The following PIK3CD variants were observed in gnomAD, a reference collection of about 807,000 sequenced individuals.
The protein encoded by PIK3CD is phosphatidylinositol-4,5-bisphosphate 3-kinase catalytic subunit delta.
A neutral mutation model predicts 122.9 loss-of-function variants in PIK3CD; 20 were observed. The ratio of observed to expected loss-of-function variants is 0.16; its 90% CI spans 0.11 to 0.24. PIK3CD has a LOEUF of 0.24. Among genes scored for constraint, PIK3CD ranks in the 10% least tolerant of loss-of-function variants. The probability of loss-of-function intolerance (pLI) is 1.00; values close to 1 mark genes in which losing one functional copy is unlikely to be tolerated. For missense variants in PIK3CD, 787 were observed against 1,406.3 expected (o/e 0.56, Z 7.04); for synonymous variants, 596 against 593.4 (o/e 1.00, Z -0.06).
chr1:9,697,228 A>G (rs1380385422), intron 2 of PIK3CD, among the ~76,000 whole-genome samples: 3 of 151,212 alleles, frequency 2.0e-5, no homozygotes, highest in African/African-American at 4.9e-5. Context: ...AGATTTTTTA[A>G]AAATTTTGCC....
At chr1:9,667,911 T>G (rs1003404119) in intron 1 of PIK3CD, among the ~76,000 whole-genome samples, 1 of 143,736 alleles carries the variant, frequency 7.0e-6, no homozygotes, top group East Asian at 2.0e-4. Context: ...AATTTTTGTT[T>G]TTTTTTTTTT....
Position 9,727,508 on chromosome 1 carries a change from G to A in PIK3CD, c.*462G>A, listed in dbSNP as rs375924757. On this transcript the variant is annotated 3_prime_UTR_variant, in exon 24 of 24. Transcript: ENST00000377346. The stretch of plus-strand genomic sequence containing the variant: ...CTAGACTGAGTTCTGGCAGCTCCCC[G>A]AGGCAGCCGGGGTACCCTCTAGATT... The A allele has an allele frequency of 5.4e-4, 142 of 263,312 alleles. No individual in the cohort carries two copies. The highest frequency in any genetic ancestry group is 2.6e-3 in the African/African-American group (118 of 45,576). The allele number at this position is 263,312 out of a possible 1,614,324, so 16.3% of individuals were successfully genotyped here. A position where few individuals can be genotyped will look rare whatever the true frequency, so the allele number is the denominator to read the frequency against.
At chr1:9,699,501 G>A (rs1208491428) in intron 2 of PIK3CD, among the ~76,000 whole-genome samples, 4 of 152,066 alleles carry the variant, frequency 2.6e-5, no homozygotes, top group African/African-American at 4.8e-5. Context: ...TGGCTACGGG[G>A]CCCTGCAGGG....
the PIK3CD span, among the ~76,000 whole-genome samples, chr1:9,640,254 T>C: frequency 2.0e-5 from 3 of 152,244 alleles, no homozygotes; most frequent in South Asian, 6.2e-4. Context: ...CAGGGAGCCC[T>C]GGTTCCTTTT....
rs1033100429 is a variant in PIK3CD at position 9,723,387 on chromosome 1, C to T, written c.2594+95C>T. 4 of 1,310,464 alleles carry T rather than the reference C, an allele frequency of 3.1e-6. No individual in the cohort carries two copies. In the African/African-American group the frequency reaches 4.4e-5, roughly 14 times the overall value. 81.2% of individuals were successfully genotyped at this position (1,310,464 alleles called of 1,614,324 possible). ...TCAGAACAAAGGAGCGGGGAGGGGCCTCAGACCATCTTTGTGGCTACTTGG... is the reference window on the plus strand; with the variant it reads ...TCAGAACAAAGGAGCGGGGAGGGGCTTCAGACCATCTTTGTGGCTACTTGG... On this transcript the variant is annotated intron_variant, in intron 20 of 23. Coordinates refer to ENST00000377346, the MANE Select transcript of PIK3CD (RefSeq NM_005026.5). The surrounding 1 kb of genome is among the most constrained non-coding windows in gnomAD (Gnocchi z 4.9).
At chr1:9,707,640 T>C (rs941941258) in intron 2 of PIK3CD, among the ~76,000 whole-genome samples, 2 of 152,154 alleles carry the variant, frequency 1.3e-5, no homozygotes, top group Admixed American at 1.3e-4. Context: ...ATTAGTTTGC[T>C]GAGGATAATG....
chr1:9,717,571 C>T lies in PIK3CD; in HGVS notation c.965C>T (p.Pro322Leu), dbSNP rs758304879. The T allele has an allele frequency of 6.8e-6, 11 of 1,614,116 alleles. No individual in the cohort carries two copies. The highest frequency in any genetic ancestry group is 1.1e-5 in the South Asian group (1 of 91,086). The change falls in exon 8 of 24, where the codon CCG becomes CTG. Residue 322 changes from proline (P) to leucine (L), a missense_variant. Physicochemically the swap from Pro to Leu is moderately conservative, Grantham distance 98. Coordinates refer to ENST00000377346, the MANE Select transcript of PIK3CD (RefSeq NM_005026.5). The surrounding 1 kb of genome is among the most constrained non-coding windows in gnomAD (Gnocchi z 5.4). ...GTGTCCCTGTGGTCCCTGGAGCAGC[C>T]GTTCCGCATCGAGCTCATCCAGGGC... ...SSVSLWSLEQ[P>L]FRIELIQGSK...
At chr1:9,693,938 A>AC (rs1052267682) in intron 2 of PIK3CD, among the ~76,000 whole-genome samples, 8 of 149,160 alleles carry the variant, frequency 5.4e-5, no homozygotes, top group South Asian at 2.2e-4. Context: ...GTGACAGACC[A>AC]CCCCCCCAGG....
At chr1:9,664,593 C>G (rs1206297946) in intron 1 of PIK3CD, among the ~76,000 whole-genome samples, 2 of 152,150 alleles carry the variant, frequency 1.3e-5, no homozygotes, top group Non-Finnish European at 2.9e-5. Context: ...CATCTTTGAT[C>G]AGATTGGCAT....
At position 9,654,344 on chromosome 1, in the gene PIK3CD, C is replaced by T. The variant is rs571688560; in HGVS notation, c.-138+2542C>T. The T allele has an allele frequency of 3.1e-5, 43 of 1,367,762 alleles. No homozygotes were observed. The East Asian group carries it at 1.8e-3, about 58-fold the overall frequency. 84.7% of individuals were successfully genotyped at this position (1,367,762 alleles called of 1,614,324 possible). On this transcript the variant is annotated intron_variant, in intron 1 of 23. Coordinates refer to ENST00000377346, the MANE Select transcript of PIK3CD (RefSeq NM_005026.5). ...TTGCACTAAGCTGTGGGCTCCGTTT[C>T]TCCTCCGATACCATGTTTAGCAAGT...
rs1284910444 is a variant in PIK3CD at position 9,718,284 on chromosome 1, GA to G, written c.1021-408del. Reference sequence around the variant, plus strand: ...ACTTCCAGGGTGGTGGTGTCAGGTGGAATTGGAAGGGGCCGGACATCAGGTG... The same window carrying G: ...ACTTCCAGGGTGGTGGTGTCAGGTGGATTGGAAGGGGCCGGACATCAGGTG... On this transcript the variant is annotated intron_variant, in intron 8 of 23. Coordinates refer to ENST00000377346, the MANE Select transcript of PIK3CD (RefSeq NM_005026.5). The surrounding 1 kb of genome is among the most constrained non-coding windows in gnomAD (Gnocchi z 7.2). 5 of 463,704 alleles carry G rather than the reference GA, an allele frequency of 1.1e-5. No individual in the cohort carries two copies. The highest frequency in any genetic ancestry group is 5.6e-4 in the Middle Eastern group (1 of 1,798). The allele number at this position is 463,704 out of a possible 1,614,324, so 28.7% of individuals were successfully genotyped here. A position where few individuals can be genotyped will look rare whatever the true frequency, so the allele number is the denominator to read the frequency against.
chr1:9,646,605 A>G, the PIK3CD span, among the ~76,000 whole-genome samples: 6 of 152,200 alleles, frequency 3.9e-5, no homozygotes, highest in Non-Finnish European at 7.3e-5. Context: ...CTCCGAGCTG[A>G]TAAGCGTTGT....
At chr1:9,702,111 C>T (rs1646656566) in intron 2 of PIK3CD, among the ~76,000 whole-genome samples, 1 of 151,758 alleles carries the variant, frequency 6.6e-6, no homozygotes, top group Non-Finnish European at 1.5e-5. Context: ...TCTCCTGCCT[C>T]AGCCTCCCGA....
chr1:9,656,681 G>A (rs1052339689), intron 1 of PIK3CD, among the ~76,000 whole-genome samples: 14 of 152,128 alleles, frequency 9.2e-5, no homozygotes, highest in African/African-American at 2.2e-4. Flanking sequence ...GATAGCTCAC[G>A]CCTGTAATCC....
intron 1 of PIK3CD, among the ~76,000 whole-genome samples, chr1:9,660,036 C>T (rs2100808965): frequency 6.6e-6 from 1 of 152,382 alleles, no homozygotes; most frequent in African/African-American, 2.4e-5. Context: ...CTGCCTCAGC[C>T]TCCCAAGTAG....
chr1:9,699,026 AAAAT>A (rs202192965), intron 2 of PIK3CD, among the ~76,000 whole-genome samples: 1 of 151,996 alleles, frequency 6.6e-6, no homozygotes, highest in Non-Finnish European at 1.5e-5. Context: ...CGCCCCCTAC[AAAAT>A]AAATAAATAA....
rs772989692 is a variant in PIK3CD, at chr1:9,721,576, C to T, written c.1944C>T (p.Phe648=). The T allele has an allele frequency of 1.2e-6, 2 of 1,613,382 alleles. No homozygotes were observed. Among genetic ancestry groups the T allele is most frequent in the South Asian group, 1.1e-5 (1 of 91,062 alleles). The part of the protein sequence containing the change: ...LANRKIGHFL[F]WHLRSEMHVP... ...ACCGCAAGATCGGCCACTTCCTTTT[C>T]TGGCACCTCCGGTAGCGGGACTTGC... The change falls in exon 15 of 24, where the codon TTC becomes TTT. Residue 648 remains phenylalanine (F), a synonymous_variant. Coordinates refer to ENST00000377346, the MANE Select transcript of PIK3CD (RefSeq NM_005026.5).
chr1:9,628,164 T>G, the PIK3CD span, among the ~76,000 whole-genome samples: 1 of 151,978 alleles, frequency 6.6e-6, no homozygotes, highest in African/African-American at 2.4e-5. Context: ...TAGCTGGGCG[T>G]GGTGGCGCAT....
chr1:9,690,036 C>T (rs1227208720), intron 1 of PIK3CD, among the ~76,000 whole-genome samples: 2 of 152,210 alleles, frequency 1.3e-5, no homozygotes, highest in Non-Finnish European at 2.9e-5. Context: ...GTGAGGCCTC[C>T]AGCGGGCTTC....
Sources: gnomAD v4.1 joint callset for allele counts (sites outside exome capture counted in the v4.1 genomes callset) on GRCh38, gnomAD v4.1.1 for gene constraint, Gnocchi (gnomAD v3.1) non-coding constraint, MANE v1.5 for transcripts, NCBI Gene and HGNC (gene_info 2026-07-23, HGNC 2026-07-21) for gene names.